FBXL17: variants seen among roughly 807,000 people sequenced by gnomAD.
FBXL17 encodes F-box/LRR-repeat protein 17.
In FBXL17, 22 loss-of-function variants were observed where a neutral mutation model predicts 66.2. That is an observed-to-expected ratio of 0.33 (90% CI 0.24 to 0.47). FBXL17 has a LOEUF of 0.47. Among genes scored for constraint, FBXL17 ranks in the 20% least tolerant of loss-of-function variants. The pLI is 1.00. For missense variants in FBXL17, 878 were observed against 948.2 expected, an observed-to-expected ratio of 0.93 and a Z score of 0.97; for synonymous variants, 474 against 400.5, an observed-to-expected ratio of 1.18 and a Z score of -2.19.
chr5:107,861,954 A>G (rs1748135956), intron 8 of FBXL17, 94 bp from the exon 9 acceptor site: 1 of 1,301,096 alleles, frequency 7.7e-7, no homozygotes, highest in Non-Finnish European at 1.0e-6. Flanking sequence ...GCTCACTGTG[A>G]CACGAAGAGC....
chr5:108,300,607 T>C (rs1439579271), intron 4 of FBXL17, among the ~76,000 whole-genome samples: 1 of 151,800 alleles, frequency 6.6e-6, no homozygotes, highest in Non-Finnish European at 1.5e-5. Flanking sequence ...ACAGAAGAAA[T>C]AGTTTTATTT....
chr5:108,218,745 A>T (rs556671012), intron 5 of FBXL17, among the ~76,000 whole-genome samples: 40 of 152,164 alleles, frequency 2.6e-4, no homozygotes, highest in Non-Finnish European at 5.4e-4. Flanking sequence ...AAAAATGTCT[A>T]TTTGGGTACT....
At chr5:108,016,961 T>G (rs1204367345) in intron 7 of FBXL17, among the ~76,000 whole-genome samples, 3 of 152,068 alleles carry the variant, frequency 2.0e-5, no homozygotes, top group Non-Finnish European at 4.4e-5. Context: ...GTATTTTTAG[T>G]AGAGACGGGG....
intron 8 of FBXL17, 48 bp downstream of exon 8, chr5:107,880,989 A>G: frequency 6.2e-7 from 1 of 1,613,888 alleles, no homozygotes. Context: ...TCAAGCTATT[A>G]ACTATACTGA....
chr5:108,035,720 G>C (rs1018587927), intron 6 of FBXL17, among the ~76,000 whole-genome samples: 1 of 152,080 alleles, frequency 6.6e-6, no homozygotes, highest in Non-Finnish European at 1.5e-5. Context: ...CACAAATGCA[G>C]TACCACCATA....
At chr5:108,034,653 A>G (rs1746769698) in intron 6 of FBXL17, among the ~76,000 whole-genome samples, 1 of 152,218 alleles carries the variant, frequency 6.6e-6, no homozygotes, top group Non-Finnish European at 1.5e-5. Flanking sequence ...GAAACATGCT[A>G]AAACCTTAGA....
intron 6 of FBXL17, among the ~76,000 whole-genome samples, chr5:108,036,930 A>T (rs1487034792): frequency 6.6e-6 from 1 of 152,194 alleles, no homozygotes. Flanking sequence ...GTTTGCTTAT[A>T]GTTAGGAAGA....
At chr5:108,373,220 T>C (rs1253261854) in intron 1 of FBXL17, among the ~76,000 whole-genome samples, 1 of 137,836 alleles carries the variant, frequency 7.3e-6, no homozygotes, top group Non-Finnish European at 1.5e-5. Context: ...AAATATATTA[T>C]ATTAATATAA....
intron 7 of FBXL17, among the ~76,000 whole-genome samples, chr5:107,987,944 A>G (rs575828935): frequency 6.6e-6 from 1 of 152,126 alleles, no homozygotes; most frequent in East Asian, 1.9e-4. Flanking sequence ...TTATTTTGTA[A>G]ATCAGTTAGA....
chr5:108,194,785 G>A lies in FBXL17; in HGVS notation c.1615-8538C>T, dbSNP rs372949212. Reference sequence around the variant, plus strand: ...TTGGCTCCAAGTTAGGATAACCAGCGAACATAAAAAAGAAGATTGACGGCC... The same window carrying A: ...TTGGCTCCAAGTTAGGATAACCAGCAAACATAAAAAAGAAGATTGACGGCC... On this transcript the variant is annotated intron_variant, in intron 5 of 8. Transcript: ENST00000542267. 2.9e-4 allele frequency among the ~76,000 whole-genome samples: 44 copies of A among 152,186 alleles called. No homozygotes were observed. In the South Asian group the frequency reaches 7.1e-3, roughly 24 times the overall value.
chr5:108,262,078 A>T (rs60912212), intron 4 of FBXL17, among the ~76,000 whole-genome samples: 15,130 of 110,984 alleles, frequency 0.14, 1,490 homozygotes, highest in East Asian at 0.42. Flanking sequence ...TTATTTATTT[A>T]TTTATTTATT....
chr5:107,905,136 TA>T (rs1220490394), intron 7 of FBXL17, among the ~76,000 whole-genome samples: 1 of 152,120 alleles, frequency 6.6e-6, no homozygotes, highest in Non-Finnish European at 1.5e-5. Context: ...ATAGTAATTT[TA>T]AAATTATTGC....
At chr5:108,300,528 ATCT>A (rs1169351202) in intron 4 of FBXL17, among the ~76,000 whole-genome samples, 3 of 151,808 alleles carry the variant, frequency 2.0e-5, no homozygotes, top group Non-Finnish European at 4.4e-5. Flanking sequence ...ACTATAAAAG[ATCT>A]TCTTTTTTAT....
At chr5:108,178,716 T>C (rs1480483740) in intron 6 of FBXL17, among the ~76,000 whole-genome samples, 5 of 152,228 alleles carry the variant, frequency 3.3e-5, no homozygotes, top group African/African-American at 7.2e-5. Context: ...CTGCATTCTA[T>C]AGAGGCAAGG....
intron 6 of FBXL17, among the ~76,000 whole-genome samples, chr5:108,145,489 C>T (rs1327793184): frequency 2.0e-5 from 3 of 152,112 alleles, no homozygotes; most frequent in Non-Finnish European, 4.4e-5. Context: ...TAATAATTTC[C>T]CTCATTAAGC....
rs564275296 is a variant in FBXL17 at position 107,936,809 on chromosome 5, C to A, written c.1823-55630G>T. 5.0e-4 allele frequency among the ~76,000 whole-genome samples: 76 copies of A among 152,096 alleles called. 1 individual carries two copies. Among genetic ancestry groups the A allele is most frequent in the South Asian group, 2.9e-3 (14 of 4,820 alleles). On this transcript the variant is annotated intron_variant, in intron 7 of 8. Transcript: ENST00000542267. ...GTAAATATGAGGCTGGGTGGCAAGACGACTTTTTAAAATATTTACAATGGT... is the reference window on the plus strand; with the variant it reads ...GTAAATATGAGGCTGGGTGGCAAGAAGACTTTTTAAAATATTTACAATGGT...
intron 6 of FBXL17, among the ~76,000 whole-genome samples, chr5:108,129,689 C>G (rs1024841258): frequency 6.6e-6 from 1 of 151,866 alleles, no homozygotes; most frequent in Non-Finnish European, 1.5e-5. Flanking sequence ...GAGAATATAT[C>G]AAATTGCATT....
At chr5:107,993,286 G>A (rs1753333121) in intron 7 of FBXL17, among the ~76,000 whole-genome samples, 1 of 152,026 alleles carries the variant, frequency 6.6e-6, no homozygotes, top group Non-Finnish European at 1.5e-5. Context: ...CCTGCAAGGG[G>A]TAAAAAGAAA....
intron 4 of FBXL17, among the ~76,000 whole-genome samples, chr5:108,247,737 T>C (rs540771110): frequency 3.9e-5 from 6 of 152,308 alleles, no homozygotes; most frequent in Non-Finnish European, 7.4e-5. Context: ...TTTAAACTTA[T>C]TTCAGAGTAC....
Sources: allele counts gnomAD v4.1 joint callset (sites outside exome capture counted in the v4.1 genomes callset), GRCh38; gene constraint gnomAD v4.1.1; transcripts MANE v1.5; gene names NCBI Gene and HGNC (gene_info 2026-07-23, HGNC 2026-07-21).